Variants in UBIAD1 observed in about 807,000 individuals in gnomAD.
The protein encoded by UBIAD1 is ubiA prenyltransferase domain-containing protein 1.
In UBIAD1, 12 loss-of-function variants were observed where a neutral mutation model predicts 20.1. The ratio of observed to expected loss-of-function variants is 0.60; its 90% CI spans 0.38 to 0.97. The LOEUF (loss-of-function observed/expected upper bound fraction) is 0.97, where lower values mean the gene tolerates loss of function less well. Ranked by LOEUF, UBIAD1 falls within the 50% of genes least tolerant of loss-of-function variation. The pLI, the probability that UBIAD1 is intolerant of heterozygous loss-of-function variation, is 0.00. For missense variants in UBIAD1, 333 were observed against 419.5 expected, an observed-to-expected ratio of 0.79 and a Z score of 1.80; for synonymous variants, 207 against 189.2, an observed-to-expected ratio of 1.09 and a Z score of -0.77.
rs1651850274 is a variant in UBIAD1, at chr1:11,273,415, CT to C, written c.-116del. On this transcript the variant is annotated 5_prime_UTR_variant, in exon 1 of 2. Transcript: ENST00000376810. This position sits in a 1 kb window ranked among gnomAD's most constrained non-coding sequence, Gnocchi z 4.9. ...ACCTTGCCGCCACACCAGCCCTGTC[CT>C]GGGGCGGAACCGAAGGAAGGTCGGG... 4 of 1,352,936 alleles carry C rather than the reference CT, an allele frequency of 3.0e-6. No homozygotes were observed. The highest frequency in any genetic ancestry group is 4.1e-6 in the Non-Finnish European group (4 of 969,872). The allele number at this position is 1,352,936 out of a possible 1,614,324, so 83.8% of individuals were successfully genotyped here. A position where few individuals can be genotyped will look rare whatever the true frequency, so the allele number is the denominator to read the frequency against.
At chr1:11,282,422 T>C (rs989753655) in intron 1 of UBIAD1, among the ~76,000 whole-genome samples, 2 of 152,192 alleles carry the variant, frequency 1.3e-5, no homozygotes, top group African/African-American at 4.8e-5. Context: ...ATGTATCAAA[T>C]GCTAGGAAAC....
In UBIAD1 at chr1:11,286,045, A is replaced by G; in HGVS notation, c.931A>G (p.Arg311Gly). 6.2e-7 allele frequency: 1 copy of G among 1,614,152 alleles called. No homozygotes were observed. Among genetic ancestry groups the G allele is most frequent in the Non-Finnish European group, 8.5e-7 (1 of 1,179,996 alleles). ...CCAGGCCTTCAACAAACTGCCCCAG[A>G]GGACTGCCAAGCTCAACCTCCTGCT... is the stretch of plus-strand genomic sequence containing the variant. ...RSQAFNKLPQ[R>G]TAKLNLLLGL... Residue 311 changes from arginine to glycine, a missense_variant, in exon 2 of 2, where the codon AGG (arginine) becomes GGG (glycine). Physicochemically the swap from Arg to Gly is moderately radical, Grantham distance 125. Coordinates refer to ENST00000376810, the MANE Select transcript of UBIAD1 (RefSeq NM_013319.3).
At chr1:11,292,680 C>T (rs890446593), downstream of UBIAD1, among the ~76,000 whole-genome samples, 20 of 148,578 alleles carry the variant, frequency 1.3e-4, no homozygotes, top group African/African-American at 4.9e-4. Context: ...CACACACACA[C>T]ACACACACAC....
chr1:11,281,898 GTT>G (rs1234244173), intron 1 of UBIAD1, among the ~76,000 whole-genome samples: 1 of 152,178 alleles, frequency 6.6e-6, no homozygotes, highest in African/African-American at 2.4e-5. Flanking sequence ...TCAGCGTGAT[GTT>G]TTTGAGATTC....
chr1:11,295,519 A>T (rs1217254104), downstream of UBIAD1: 1 of 152,952 alleles, frequency 6.5e-6, no homozygotes, highest in African/African-American at 2.4e-5. Flanking sequence ...ATGGCGGGGC[A>T]TTTAATCATC....
At chr1:11,279,175 T>A in intron 1 of UBIAD1, 1 of 228,552 alleles carries the variant, frequency 4.4e-6, no homozygotes, top group Non-Finnish European at 9.5e-6. Flanking sequence ...ATATTCTCTT[T>A]TCATAATTTG....
At chr1:11,277,872 G>A (rs564081794) in intron 1 of UBIAD1, among the ~76,000 whole-genome samples, 6 of 152,034 alleles carry the variant, frequency 3.9e-5, no homozygotes, top group African/African-American at 1.2e-4. Flanking sequence ...TCAAACTCCT[G>A]ACCTCAGGTG....
chr1:11,285,094 GT>G lies in UBIAD1; in HGVS notation c.530-546del, dbSNP rs1197689567. On this transcript the variant is annotated intron_variant, in intron 1 of 1. Coordinates refer to ENST00000376810, the MANE Select transcript of UBIAD1 (RefSeq NM_013319.3). The surrounding 1 kb of genome is among the most constrained non-coding windows in gnomAD (Gnocchi z 4.4). Reference sequence around the variant, plus strand: ...GCATTATAACTCTCCTGTCCTCGCTGTTTTGCTTATCGCAGGGGTGCAGGTT... The same window carrying G: ...GCATTATAACTCTCCTGTCCTCGCTGTTTGCTTATCGCAGGGGTGCAGGTT... 6.6e-6 allele frequency among the ~76,000 whole-genome samples: 1 copy of G among 152,188 alleles called. No individual in the cohort carries two copies. Among genetic ancestry groups the G allele is most frequent in the Non-Finnish European group, 1.5e-5 (1 of 68,038 alleles).
chr1:11,277,368 T>C (rs1652076970), intron 1 of UBIAD1, among the ~76,000 whole-genome samples: 1 of 151,662 alleles, frequency 6.6e-6, no homozygotes, highest in Non-Finnish European at 1.5e-5. Flanking sequence ...GATCTTGGCT[T>C]ACCACAATCT....
intron 1 of UBIAD1, among the ~76,000 whole-genome samples, chr1:11,281,158 T>C (rs1332209211): frequency 6.6e-6 from 1 of 152,192 alleles, no homozygotes; most frequent in Non-Finnish European, 1.5e-5. Flanking sequence ...CTTCTAACCA[T>C]GTGGTTCACT....
intron 1 of UBIAD1, among the ~76,000 whole-genome samples, chr1:11,275,689 G>A (rs1199013899): frequency 6.6e-6 from 1 of 152,150 alleles, no homozygotes; most frequent in East Asian, 1.9e-4. Flanking sequence ...GCTGCAGTGA[G>A]TCCTGATCAC....
chr1:11,283,361 A>G (rs1652307933), intron 1 of UBIAD1, among the ~76,000 whole-genome samples: 1 of 152,156 alleles, frequency 6.6e-6, no homozygotes, highest in Admixed American at 6.6e-5. Flanking sequence ...CCTGCCCAGC[A>G]TCATCTTTGC....
chr1:11,274,532 C>T lies in UBIAD1; in HGVS notation c.529+472C>T, dbSNP rs551794293. On this transcript the variant is annotated intron_variant, in intron 1 of 1. Transcript: ENST00000376810. ...CAGGATGGTCTCGATTTCCTGACCT[C>T]GTGATCCACCCGCCTCAGCCTCCCA... is the stretch of plus-strand genomic sequence containing the variant. 7.9e-5 allele frequency among the ~76,000 whole-genome samples: 12 copies of T among 151,608 alleles called. No homozygotes were observed. In the East Asian group the frequency reaches 1.6e-3, roughly 20 times the overall value.
chr1:11,287,435 C>T lies in UBIAD1; in HGVS notation c.*1304C>T, dbSNP rs17036631. On this transcript the variant is annotated 3_prime_UTR_variant, in exon 2 of 2. Coordinates refer to ENST00000376810, the MANE Select transcript of UBIAD1 (RefSeq NM_013319.3). ...TTTCTGGGCCAGAATTGCTCAGTTG[C>T]ATTTGATCCAGGACTATAGATTGGA... The T allele has an allele frequency of 0.095, 14,434 of 152,180 alleles. 1,126 individuals are homozygous for T. Among genetic ancestry groups the T allele is most frequent in the African/African-American group, 0.21 (8,661 of 41,484 alleles). The allele number at this position is 152,180 out of a possible 1,614,324, so 9.4% of individuals were successfully genotyped here. A position where few individuals can be genotyped will look rare whatever the true frequency, so the allele number is the denominator to read the frequency against.
chr1:11,297,247 G>A (rs1183998445), downstream of UBIAD1, among the ~76,000 whole-genome samples: 1 of 152,184 alleles, frequency 6.6e-6, no homozygotes, highest in Non-Finnish European at 1.5e-5. Flanking sequence ...CACGAGAGTA[G>A]AGTCCTCATG....
Position 11,287,363 on chromosome 1 carries a change from C to T in UBIAD1, c.*1232C>T, listed in dbSNP as rs1638290112. The T allele has an allele frequency of 1.3e-5, 2 of 152,208 alleles. No individual in the cohort carries two copies. The highest frequency in any genetic ancestry group is 4.8e-5 in the African/African-American group (2 of 41,440). 9.4% of individuals were successfully genotyped at this position (152,208 alleles called of 1,614,324 possible). A position where few individuals can be genotyped will look rare whatever the true frequency, so the allele number is the denominator to read the frequency against. On this transcript the variant is annotated 3_prime_UTR_variant, in exon 2 of 2. Coordinates refer to ENST00000376810, the MANE Select transcript of UBIAD1 (RefSeq NM_013319.3). Reference sequence around the variant, plus strand: ...GATCACACTCAGAGTGGGGCAATTCCAGCATTTATCCTGGCTGCGTTTCAT... The same window carrying T: ...GATCACACTCAGAGTGGGGCAATTCTAGCATTTATCCTGGCTGCGTTTCAT...
downstream of UBIAD1, among the ~76,000 whole-genome samples, chr1:11,293,032 C>T (rs375743388): frequency 2.1e-4 from 32 of 152,270 alleles, no homozygotes; most frequent in South Asian, 3.1e-3. Context: ...CTGGGCTCAT[C>T]AGGAGGCTTG....
downstream of UBIAD1, among the ~76,000 whole-genome samples, chr1:11,290,428 A>C (rs565237288): frequency 6.6e-6 from 1 of 152,216 alleles, no homozygotes; most frequent in Non-Finnish European, 1.5e-5. Context: ...CCTGGTGACA[A>C]GTGCCAGTGG....
intron 1 of UBIAD1, among the ~76,000 whole-genome samples, chr1:11,294,509 C>T (rs990569115): frequency 6.6e-6 from 1 of 152,110 alleles, no homozygotes; most frequent in African/African-American, 2.4e-5. Context: ...GGACTCAATC[C>T]ATTGGTCTGC....
Sources: gnomAD v4.1 joint callset for allele counts (sites outside exome capture counted in the v4.1 genomes callset) on GRCh38, gnomAD v4.1.1 for gene constraint, Gnocchi (gnomAD v3.1) non-coding constraint, MANE v1.5 for transcripts, NCBI Gene and HGNC (gene_info 2026-07-23, HGNC 2026-07-21) for gene names.